The following PARD6G variants were observed in gnomAD, a reference collection of about 807,000 sequenced individuals.
PARD6G encodes the protein partitioning defective 6 homolog gamma.
PARD6G carries 7 observed loss-of-function variants against 10.7 expected under a neutral mutation model. The observed-to-expected ratio is 0.66, with a 90% CI of 0.37 to 1.23. The LOEUF is 1.23. Among genes scored for constraint, PARD6G ranks in the 50% most tolerant of loss-of-function variants. The pLI is 0.02. For synonymous variants in PARD6G, 287 were observed against 269.4 expected, an observed-to-expected ratio of 1.07 and a Z score of -0.64; for missense variants, 548 against 571.8, an observed-to-expected ratio of 0.96 and a Z score of 0.42.
In PARD6G at chr18:80,160,124, C is replaced by T. The variant is rs766122618; in HGVS notation, c.778G>A (p.Gly260Ser). The T allele has an allele frequency of 2.0e-5, 32 of 1,611,980 alleles. 1 individual carries two copies. The highest frequency in any genetic ancestry group is 2.2e-5 in the South Asian group (2 of 91,004). ...GGTCCCGAGCTGCCCAACGCGCGGC[C>T]GCCGCGCACCACGTTGTTGCGCTGG... ...ANQRNNVVRG[G>S]RALGSSGPPS... The change falls in exon 3 of 3, where the codon GGC (glycine) becomes AGC (serine). Residue 260 changes from glycine to serine, a missense_variant. Around this residue, in one of 2 missense-constraint regions of PARD6G, gnomAD observed 313 missense variants for 279.9 expected, o/e 1.12. Transcript: ENST00000353265.
intron 2 of PARD6G, among the ~76,000 whole-genome samples, chr18:80,186,112 C>A (rs1310214120): frequency 7.3e-6 from 1 of 137,252 alleles, no homozygotes; most frequent in Non-Finnish European, 1.5e-5. Flanking sequence ...GCTTGCACAC[C>A]CTCACACGCA....
chr18:80,165,418 ACT>A, intron 2 of PARD6G, among the ~76,000 whole-genome samples: 1 of 152,098 alleles, frequency 6.6e-6, no homozygotes, highest in East Asian at 1.9e-4. Flanking sequence ...CCTAAAAATC[ACT>A]GTTATTCTGT....
In PARD6G at chr18:80,247,429, C is replaced by T; in HGVS notation, c.-81G>A. On this transcript the variant is annotated 5_prime_UTR_variant, in exon 1 of 3. Transcript: ENST00000353265. The surrounding 1 kb of genome is among the most constrained non-coding windows in gnomAD (Gnocchi z 4.2). ...GACTCCCGGGGGCGGCGCCCCCAGG[C>T]CCCGGCCCCGGCCCCGGCCCGCGCT... 2 of 914,916 alleles carry T rather than the reference C, an allele frequency of 2.2e-6. No homozygotes were observed. Among genetic ancestry groups the T allele is most frequent in the Non-Finnish European group, 2.9e-6 (2 of 689,008 alleles). 56.7% of individuals were successfully genotyped at this position (914,916 alleles called of 1,614,324 possible). A position where few individuals can be genotyped will look rare whatever the true frequency, so the allele number is the denominator to read the frequency against.
chr18:80,214,891 A>G (rs1967147531), intron 1 of PARD6G, among the ~76,000 whole-genome samples: 1 of 152,202 alleles, frequency 6.6e-6, no homozygotes, highest in Non-Finnish European at 1.5e-5. Context: ...GCAGTTTGTT[A>G]AAGAGGTCCA....
intron 1 of PARD6G, among the ~76,000 whole-genome samples, chr18:80,205,219 A>G (rs1349942338): frequency 1.3e-5 from 2 of 152,196 alleles, no homozygotes; most frequent in East Asian, 3.8e-4. Flanking sequence ...ACGTTCACCC[A>G]AGGATGACAC....
chr18:80,227,580 A>C (rs2145299129), intron 1 of PARD6G, among the ~76,000 whole-genome samples: 1 of 152,386 alleles, frequency 6.6e-6, no homozygotes, highest in East Asian at 1.9e-4. Flanking sequence ...TGACTCAAGA[A>C]GGAAGCACTG....
rs1484979084 is a variant in PARD6G, at chr18:80,181,902, T to C, written c.295+20808A>G. Among the ~76,000 whole-genome samples the C allele has an allele frequency of 6.6e-6, 1 of 152,126 alleles. No individual in the cohort carries two copies. Among genetic ancestry groups the C allele is most frequent in the Non-Finnish European group, 1.5e-5 (1 of 68,022 alleles). ...GAGGGAAGCAGCCCAGCCCCGCTGA[T>C]AGAACCTGCATTTCAAACAGACCCA... is the stretch of plus-strand genomic sequence containing the variant. On this transcript the variant is annotated intron_variant, in intron 2 of 2. Transcript: ENST00000353265. The surrounding 1 kb of genome is among the most constrained non-coding windows in gnomAD (Gnocchi z 7.9).
intron 1 of PARD6G, among the ~76,000 whole-genome samples, chr18:80,242,737 A>T (rs1230034184): frequency 6.6e-6 from 1 of 152,246 alleles, no homozygotes; most frequent in Non-Finnish European, 1.5e-5. Context: ...GAGAAAAAGG[A>T]TTCAGGACAA....
chr18:80,180,351 G>C lies in PARD6G; in HGVS notation c.296-19745C>G, dbSNP rs1179385113. 6.6e-6 allele frequency among the ~76,000 whole-genome samples: 1 copy of C among 152,166 alleles called. No individual in the cohort carries two copies. Among genetic ancestry groups the C allele is most frequent in the African/African-American group, 2.4e-5 (1 of 41,446 alleles). ...AGCTGGGGCCGGCAGGTGAGGACACGCAGCTGGGAGGGGCGCAGCCGGCAG... is the reference window on the plus strand; with the variant it reads ...AGCTGGGGCCGGCAGGTGAGGACACCCAGCTGGGAGGGGCGCAGCCGGCAG... On this transcript the variant is annotated intron_variant, in intron 2 of 2. Transcript: ENST00000353265. The surrounding 1 kb of genome is among the most constrained non-coding windows in gnomAD (Gnocchi z 5.6).
At chr18:80,238,196 A>G (rs1345155060) in intron 1 of PARD6G, among the ~76,000 whole-genome samples, 1 of 152,206 alleles carries the variant, frequency 6.6e-6, no homozygotes, top group Admixed American at 6.5e-5. Flanking sequence ...TTGTAGGGAC[A>G]TGGATGAAGC....
At chr18:80,197,458 A>C (rs1051411464) in intron 2 of PARD6G, 4 of 152,224 alleles carry the variant, frequency 2.6e-5, no homozygotes, top group Admixed American at 6.5e-5. Context: ...GGAACCCAAA[A>C]GAATGCCCAG....
chr18:80,238,380 T>C lies in PARD6G; in HGVS notation c.72+8897A>G, dbSNP rs192648962. On this transcript the variant is annotated intron_variant, in intron 1 of 2. Transcript: ENST00000353265. ...GGAGTAGGGATAGCATTAGGAGATA[T>C]ACCTAATGTTAAATGATGAGTTAAT... 3.5e-3 allele frequency among the ~76,000 whole-genome samples: 536 copies of C among 151,872 alleles called. 2 individuals are homozygous for C. The highest frequency in any genetic ancestry group is 0.011 in the African/African-American group (468 of 41,382).
In PARD6G at chr18:80,246,835, G is replaced by A. The variant is rs999636443; in HGVS notation, c.72+442C>T. Among the ~76,000 whole-genome samples the A allele has an allele frequency of 6.6e-6, 1 of 152,070 alleles. No homozygotes were observed. The highest frequency in any genetic ancestry group is 1.5e-5 in the Non-Finnish European group (1 of 67,960). ...TGGCAGGTAACAAGCCTCCTTTGCA[G>A]CCTTGAAGGCGCCTTGGCCAGGGCC... On this transcript the variant is annotated intron_variant, in intron 1 of 2. Transcript: ENST00000353265. This position sits in a 1 kb window ranked among gnomAD's most constrained non-coding sequence, Gnocchi z 6.7.
intron 1 of PARD6G, among the ~76,000 whole-genome samples, chr18:80,232,147 G>A (rs1326727162): frequency 6.6e-6 from 1 of 152,152 alleles, no homozygotes; most frequent in Admixed American, 6.5e-5. Flanking sequence ...AGCTCTGGGT[G>A]GAGATAAAGA....
At chr18:80,170,795 AACTT>A (rs1285790669) in intron 2 of PARD6G, 3 of 152,204 alleles carry the variant, frequency 2.0e-5, no homozygotes, top group African/African-American at 4.8e-5. Flanking sequence ...CATAATTATT[AACTT>A]ACTTTAGGGT....
chr18:80,197,684 T>C (rs989324739), intron 2 of PARD6G: 10 of 152,178 alleles, frequency 6.6e-5, no homozygotes, highest in Admixed American at 3.3e-4. Flanking sequence ...CAGAGTTTAT[T>C]TGATGGATAA....
intron 2 of PARD6G, among the ~76,000 whole-genome samples, chr18:80,191,053 G>T (rs2145271501): frequency 6.6e-6 from 1 of 152,322 alleles, no homozygotes; most frequent in South Asian, 2.1e-4. Context: ...CAGCGTGTGA[G>T]AATTCACTGG....
rs574896463 is a variant in PARD6G at position 80,186,373 on chromosome 18, A to T, written c.295+16337T>A. 4.1e-3 allele frequency among the ~76,000 whole-genome samples: 338 copies of T among 82,300 alleles called. 24 individuals carry two copies. Among genetic ancestry groups the T allele is most frequent in the African/African-American group, 0.016 (307 of 18,868 alleles). 54.0% of individuals were successfully genotyped at this position (82,300 alleles called of 152,430 possible). A position where few individuals can be genotyped will look rare whatever the true frequency, so the allele number is the denominator to read the frequency against. On this transcript the variant is annotated intron_variant, in intron 2 of 2. Transcript: ENST00000353265. ...CACCCTCACACATGCTCGCACACCC[A>T]CACATGCTCGCACACCCTCACACAT...
chr18:80,160,543 G>A lies in PARD6G; in HGVS notation c.359C>T (p.Ala120Val), dbSNP rs1027557304. 9 of 1,492,066 alleles carry A rather than the reference G, an allele frequency of 6.0e-6. No homozygotes were observed. The highest frequency in any genetic ancestry group is 4.7e-5 in the Admixed American group (2 of 42,424). The allele number at this position is 1,492,066 out of a possible 1,614,324, so 92.4% of individuals were successfully genotyped here. ...SLCRRRRALG[A>V]LRDEGPRRRA... ...CCGCCGGGGTCCTTCATCACGCAGCGCGCCCAGCGCCCGCCTCCGCCTGCA... is the reference window on the plus strand; with the variant it reads ...CCGCCGGGGTCCTTCATCACGCAGCACGCCCAGCGCCCGCCTCCGCCTGCA... Residue 120 changes from alanine (A) to valine (V), a missense_variant, in exon 3 of 3, where the codon GCG (alanine) becomes GTG (valine). Ala to Val is a moderately conservative substitution (Grantham distance 64). Coordinates refer to ENST00000353265, the MANE Select transcript of PARD6G (RefSeq NM_032510.4).
Sources: allele counts gnomAD v4.1 joint callset (sites outside exome capture counted in the v4.1 genomes callset), GRCh38; gene constraint gnomAD v4.1.1; regional missense constraint gnomAD v4.1.1; non-coding constraint Gnocchi (gnomAD v3.1); transcripts MANE v1.5; gene names NCBI Gene and HGNC (gene_info 2026-07-23, HGNC 2026-07-21).